CARMIL1: variants seen among roughly 807,000 people sequenced by gnomAD.
CARMIL1 encodes the protein F-actin-uncapping protein LRRC16A.
Under a neutral mutation model 177.1 loss-of-function variants are expected in CARMIL1, and 90 were observed. That is an observed-to-expected ratio of 0.51 (90% CI 0.43 to 0.61). The LOEUF is 0.61. Ranked by LOEUF, CARMIL1 falls within the 20% of genes least tolerant of loss-of-function variation. The pLI, the probability that CARMIL1 is intolerant of heterozygous loss-of-function variation, is 0.00. For synonymous variants in CARMIL1, 577 were observed against 606.2 expected, an observed-to-expected ratio of 0.95 and a Z score of 0.71; for missense variants, 1,380 against 1,667.0, an observed-to-expected ratio of 0.83 and a Z score of 3.00.
intron 2 of CARMIL1, among the ~76,000 whole-genome samples, chr6:25,315,921 G>C (rs760569719): frequency 3.3e-5 from 5 of 152,168 alleles, no homozygotes; most frequent in Non-Finnish European, 7.3e-5. Flanking sequence ...TACAGAACCA[G>C]GTCCTGTAGT....
intron 2 of CARMIL1, among the ~76,000 whole-genome samples, chr6:25,290,625 C>T (rs1781876271): frequency 6.6e-6 from 1 of 151,994 alleles, no homozygotes; most frequent in Admixed American, 6.6e-5. Flanking sequence ...TCTTCCACAC[C>T]CTTTGTAAAA....
At chr6:25,497,234 C>T (rs1803822202) in intron 16 of CARMIL1, among the ~76,000 whole-genome samples, 1 of 152,188 alleles carries the variant, frequency 6.6e-6, no homozygotes, top group Admixed American at 6.5e-5. Flanking sequence ...AAGGAATTTG[C>T]ACAGTACTAC....
Position 25,515,762 on chromosome 6 carries a change from A to C in CARMIL1, c.1720A>C (p.Thr574Pro). 1 of 1,611,918 alleles carries C rather than the reference A, an allele frequency of 6.2e-7. No individual in the cohort carries two copies. Among genetic ancestry groups the C allele is most frequent in the Non-Finnish European group, 8.5e-7 (1 of 1,179,158 alleles). ...INALGSNTSL[T>P]KVDISGNGMG... ...TGCCCTGGGAAGCAACACCTCCCTG[A>C]CCAAAGTGGACATTAGCGGCAACGG... Residue 574 changes from threonine (T) to proline (P), a missense_variant, in exon 21 of 37, where the codon ACC becomes CCC. Thr to Pro is a conservative substitution (Grantham distance 38). Transcript: ENST00000329474. The surrounding 1 kb of genome is among the most constrained non-coding windows in gnomAD (Gnocchi z 5.0).
At chr6:25,367,649 G>A (rs1581702259) in intron 2 of CARMIL1, among the ~76,000 whole-genome samples, 1 of 152,164 alleles carries the variant, frequency 6.6e-6, no homozygotes, top group South Asian at 2.1e-4. Flanking sequence ...TATTAATGCA[G>A]TAAGGAAGTA....
chr6:25,616,489 A>G (rs1471593194), intron 36 of CARMIL1, among the ~76,000 whole-genome samples: 1 of 152,172 alleles, frequency 6.6e-6, no homozygotes, highest in Non-Finnish European at 1.5e-5. Flanking sequence ...CAGGAGGATC[A>G]CTTGAGCCCA....
rs142807678 is a variant in CARMIL1 at position 25,285,343 on chromosome 6, T to C, written c.138+434T>C. Among the ~76,000 whole-genome samples the C allele has an allele frequency of 4.0e-3, 610 of 152,356 alleles. 4 individuals are homozygous for C. The highest frequency in any genetic ancestry group is 0.014 in the African/African-American group (567 of 41,582). Reference sequence around the variant, plus strand: ...TTCTCAGATGTTATATATGAGTCCATCTAAGGGGTGATGAGCTAACAAAAC... The same window carrying C: ...TTCTCAGATGTTATATATGAGTCCACCTAAGGGGTGATGAGCTAACAAAAC... On this transcript the variant is annotated intron_variant, in intron 2 of 36. Coordinates refer to ENST00000329474, the MANE Select transcript of CARMIL1 (RefSeq NM_017640.6).
Position 25,554,402 on chromosome 6 carries a change from CATTTT to C in CARMIL1, c.2592+308_2592+312del, listed in dbSNP as rs1810422537. 6.6e-6 allele frequency among the ~76,000 whole-genome samples: 1 copy of C among 152,148 alleles called. No individual in the cohort carries two copies. The highest frequency in any genetic ancestry group is 2.4e-5 in the African/African-American group (1 of 41,428). Reference sequence around the variant, plus strand: ...TGTTGAGACTGAAGTCTGAAATTAACATTTTAATTTATCTTTGCTCATTTTGTTGT... The same window carrying C: ...TGTTGAGACTGAAGTCTGAAATTAACAATTTATCTTTGCTCATTTTGTTGT... On this transcript the variant is annotated intron_variant, in intron 28 of 36. Coordinates refer to ENST00000329474, the MANE Select transcript of CARMIL1 (RefSeq NM_017640.6). The surrounding 1 kb of genome is among the most constrained non-coding windows in gnomAD (Gnocchi z 4.6).
At chr6:25,609,478 A>AAG (rs1554236678) in intron 35 of CARMIL1, among the ~76,000 whole-genome samples, 1 of 151,578 alleles carries the variant, frequency 6.6e-6, no homozygotes, top group African/African-American at 2.4e-5. Flanking sequence ...AAAAAAAAAA[A>AAG]AGAGAGACTA....
intron 2 of CARMIL1, among the ~76,000 whole-genome samples, chr6:25,352,017 A>C (rs1788155229): frequency 6.6e-6 from 1 of 152,154 alleles, no homozygotes; most frequent in Admixed American, 6.5e-5. Flanking sequence ...GTTTCATGGC[A>C]TAGGTTTTTA....
chr6:25,355,550 C>G (rs115594494), intron 2 of CARMIL1, among the ~76,000 whole-genome samples: 1 of 152,012 alleles, frequency 6.6e-6, no homozygotes, highest in Non-Finnish European at 1.5e-5. Context: ...AGAGTAGTTG[C>G]GTAGTCCCAG....
intron 29 of CARMIL1, among the ~76,000 whole-genome samples, chr6:25,579,744 A>G (rs1359896638): frequency 6.6e-6 from 1 of 152,230 alleles, no homozygotes; most frequent in Non-Finnish European, 1.5e-5. Flanking sequence ...ACAATTGCTA[A>G]TCATTTTTTT....
chr6:25,608,325 G>A (rs1023990240), intron 35 of CARMIL1, among the ~76,000 whole-genome samples: 1 of 151,996 alleles, frequency 6.6e-6, no homozygotes, highest in African/African-American at 2.4e-5. Flanking sequence ...TCTATTATTG[G>A]GTTTTAGTGT....
rs895671525 is a variant in CARMIL1 at position 25,475,263 on chromosome 6, G to C, written c.874+2742G>C. Reference sequence around the variant, plus strand: ...TACTAAAATACAAAGTATTAGCTGGGCGTGGTGGCAGGCACCTGTAGTCCC... The same window carrying C: ...TACTAAAATACAAAGTATTAGCTGGCCGTGGTGGCAGGCACCTGTAGTCCC... On this transcript the variant is annotated intron_variant, in intron 11 of 36. Coordinates refer to ENST00000329474, the MANE Select transcript of CARMIL1 (RefSeq NM_017640.6). Among the ~76,000 whole-genome samples, 7 of 152,088 alleles carry C rather than the reference G, an allele frequency of 4.6e-5. No individual in the cohort carries two copies. In the East Asian group the frequency reaches 9.7e-4, roughly 21 times the overall value.
chr6:25,520,326 G>A lies in CARMIL1; in HGVS notation c.1957G>A (p.Ala653Thr). ...AACAAACCCTGAAAAAACAGAAGACGCTCTGCAAAAGGTATTAAAGAATCA... is the reference window on the plus strand; with the variant it reads ...AACAAACCCTGAAAAAACAGAAGACACTCTGCAAAAGGTATTAAAGAATCA... The part of the protein sequence containing the change: ...LKTNPEKTED[A>T]LQKIENYLLR... The change falls in exon 23 of 37, where the codon GCT (alanine) becomes ACT (threonine). Residue 653 changes from alanine to threonine, a missense_variant. By Grantham distance (58) the Ala-to-Thr change is moderately conservative. Transcript: ENST00000329474. The A allele has an allele frequency of 6.5e-7, 1 of 1,539,884 alleles. No individual in the cohort carries two copies. The highest frequency in any genetic ancestry group is 8.8e-7 in the Non-Finnish European group (1 of 1,135,136).
At chr6:25,545,269 C>T (rs763364148) in intron 26 of CARMIL1, among the ~76,000 whole-genome samples, 21 of 152,096 alleles carry the variant, frequency 1.4e-4, no homozygotes, top group Non-Finnish European at 2.4e-4. Context: ...TCCTAAATAT[C>T]GTACAAGGTT....
chr6:25,450,719 G>C lies in CARMIL1; in HGVS notation c.614+8G>C. The C allele has an allele frequency of 6.4e-7, 1 of 1,574,318 alleles. No homozygotes were observed. The highest frequency in any genetic ancestry group is 8.6e-7 in the Non-Finnish European group (1 of 1,156,572). On this transcript the variant is annotated splice_region_variant and intron_variant, in intron 8 of 36. Transcript: ENST00000329474. ...TAGTCATCTTGACCACAGGTAAGCTGCTTCCTTCCTTCTTTCCTCCTTTCC... is the reference window on the plus strand; with the variant it reads ...TAGTCATCTTGACCACAGGTAAGCTCCTTCCTTCCTTCTTTCCTCCTTTCC...
At chr6:25,586,921 C>G (rs1159989240) in intron 31 of CARMIL1, among the ~76,000 whole-genome samples, 1 of 151,492 alleles carries the variant, frequency 6.6e-6, no homozygotes, top group Admixed American at 6.6e-5. Flanking sequence ...CCAGCCTCGG[C>G]TCGGCATCAG....
At chr6:25,347,086 C>G (rs924729614) in intron 2 of CARMIL1, among the ~76,000 whole-genome samples, 6 of 152,150 alleles carry the variant, frequency 3.9e-5, no homozygotes, top group African/African-American at 1.4e-4. Flanking sequence ...CATGCTGTTT[C>G]AAATGTTTAG....
intron 2 of CARMIL1, among the ~76,000 whole-genome samples, chr6:25,359,394 T>C (rs1040469280): frequency 2.6e-5 from 4 of 152,214 alleles, no homozygotes; most frequent in African/African-American, 9.6e-5. Context: ...TCGTTCTGCC[T>C]GTTGATGAGG....
Sources: gnomAD v4.1 joint callset for allele counts (sites outside exome capture counted in the v4.1 genomes callset) on GRCh38, gnomAD v4.1.1 for gene constraint, Gnocchi (gnomAD v3.1) non-coding constraint, MANE v1.5 for transcripts, NCBI Gene and HGNC (gene_info 2026-07-23, HGNC 2026-07-21) for gene names.